The following PUDP variants were observed in gnomAD, a reference collection of about 807,000 sequenced individuals.
PUDP encodes pseudouridine 5'-phosphatase, also known as pseudouridine-5'-phosphatase.
A neutral mutation model predicts 9.4 loss-of-function variants in PUDP; 8 were observed. That is an observed-to-expected ratio of 0.85 (90% CI 0.50 to 1.53). PUDP has a LOEUF of 1.53. Among genes scored for constraint, PUDP ranks in the 40% most tolerant of loss-of-function variants. PUDP has a pLI of 0.00. For synonymous variants in PUDP, 99 were observed against 80.7 expected, an observed-to-expected ratio of 1.23 and a Z score of -1.22; for missense variants, 188 against 189.7, an observed-to-expected ratio of 0.99 and a Z score of 0.05.
At position 6,842,422 on chromosome X, in the gene PUDP, C is replaced by A. The variant is rs1926686094; in HGVS notation, c.*247+134711G>T. ...TCTGCAATGGTAAACCTAATATTGACACTGGGTATTACCAAATTGTACCTA... is the reference window on the plus strand; with the variant it reads ...TCTGCAATGGTAAACCTAATATTGAAACTGGGTATTACCAAATTGTACCTA... On this transcript the variant is annotated intron_variant and NMD_transcript_variant, in intron 3 of 3. Transcript: ENST00000655425. Among the ~76,000 whole-genome samples, 3 of 111,438 alleles carry A rather than the reference C, an allele frequency of 2.7e-5. No individual in the cohort carries two copies. In the Admixed American group the frequency reaches 2.9e-4, roughly 11 times the overall value.
At chrX:6,945,883 C>A (rs1264341289) in intron 3 of PUDP, among the ~76,000 whole-genome samples, 3 of 111,219 alleles carry the variant, frequency 2.7e-5, no homozygotes, top group Non-Finnish European at 5.7e-5. Context: ...GCCAAAGGGA[C>A]CCCAGAATAA....
chrX:6,863,522 G>A (rs1927034555), intron 3 of PUDP, among the ~76,000 whole-genome samples: 1 of 111,984 alleles, frequency 8.9e-6, no homozygotes, highest in Non-Finnish European at 1.9e-5. Flanking sequence ...ATATTCAGCA[G>A]GTTTGGGGGG....
chrX:7,040,211 G>C (rs1014114781), intron 1 of PUDP, among the ~76,000 whole-genome samples: 3 of 111,311 alleles, frequency 2.7e-5, no homozygotes, highest in African/African-American at 9.8e-5. Flanking sequence ...TTATGAACTT[G>C]GGCCCCAATT....
intron 3 of PUDP, among the ~76,000 whole-genome samples, chrX:7,058,731 ACTG>A (rs1397083629): frequency 8.9e-6 from 1 of 112,216 alleles, no homozygotes; most frequent in Non-Finnish European, 1.9e-5. Flanking sequence ...TGTCAAAATG[ACTG>A]CTGAGGTATG....
At chrX:6,918,116 T>C (rs1352603046) in intron 3 of PUDP, among the ~76,000 whole-genome samples, 1 of 112,474 alleles carries the variant, frequency 8.9e-6, no homozygotes, top group East Asian at 2.8e-4. Flanking sequence ...ATTAATTATG[T>C]ATGATGCCTG....
At chrX:7,023,852 G>A (rs1345383764) in intron 1 of PUDP, among the ~76,000 whole-genome samples, 1 of 111,929 alleles carries the variant, frequency 8.9e-6, no homozygotes, top group African/African-American at 3.2e-5. Context: ...TACGCCCAAT[G>A]TATATCTCCC....
Position 6,903,959 on chromosome X carries a change from T to A in PUDP, c.*247+73174A>T, listed in dbSNP as rs1355756600. ...TTTAAAAAATATATATATATTTATT[T>A]TTTTTTTTTTGAGATGGAGTCTCAC... On this transcript the variant is annotated intron_variant and NMD_transcript_variant, in intron 3 of 3. Coordinates refer to the PUDP transcript ENST00000655425. Among the ~76,000 whole-genome samples the A allele has an allele frequency of 9.2e-4, 98 of 106,312 alleles. 1 individual carries two copies. Among genetic ancestry groups the A allele is most frequent in the East Asian group, 7.8e-3 (26 of 3,317 alleles). The allele number at this position is 106,312 out of a possible 115,157, so 92.3% of individuals were successfully genotyped here. A position where few individuals can be genotyped will look rare whatever the true frequency, so the allele number is the denominator to read the frequency against.
chrX:6,850,050 T>A (rs1233320771), intron 3 of PUDP, among the ~76,000 whole-genome samples: 2 of 110,954 alleles, frequency 1.8e-5, no homozygotes, highest in Admixed American at 1.9e-4. Flanking sequence ...AAATTCCTGA[T>A]CAAGACAACA....
At chrX:6,880,346 A>G (rs929313508) in intron 3 of PUDP, among the ~76,000 whole-genome samples, 27 of 111,188 alleles carry the variant, frequency 2.4e-4, no homozygotes, top group African/African-American at 8.5e-4. Context: ...GAGTGAGAAC[A>G]TATGATGTTT....
intron 2 of PUDP, chrX:7,085,422 C>A (rs1206423985): frequency 8.9e-6 from 1 of 112,066 alleles, no homozygotes; most frequent in Non-Finnish European, 1.9e-5. Context: ...CATCAATGGA[C>A]AGTCAGGGGC....
intron 3 of PUDP, among the ~76,000 whole-genome samples, chrX:6,885,177 G>A (rs1391847612): frequency 8.9e-6 from 1 of 111,781 alleles, no homozygotes; most frequent in Admixed American, 9.5e-5. Flanking sequence ...TGAGAACTTA[G>A]AGTCCAAGTC....
chrX:6,823,077 A>G (rs1926371967), intron 3 of PUDP, among the ~76,000 whole-genome samples: 1 of 111,584 alleles, frequency 9.0e-6, no homozygotes, highest in Non-Finnish European at 1.9e-5. Flanking sequence ...TTAAAAAGCA[A>G]AAACAAAAAC....
chrX:7,070,854 A>C (rs1465866663), intron 3 of PUDP, among the ~76,000 whole-genome samples: 1 of 112,391 alleles, frequency 8.9e-6, no homozygotes, highest in Non-Finnish European at 1.9e-5. Context: ...CTGGGATTAC[A>C]GGCGTGAGCC....
chrX:6,907,590 A>G (rs1391145260), intron 3 of PUDP, among the ~76,000 whole-genome samples: 1 of 112,115 alleles, frequency 8.9e-6, no homozygotes, highest in African/African-American at 3.2e-5. Context: ...GTCTTCAGCT[A>G]CAACCCAGTA....
At chrX:7,022,391 A>C (rs1254147212) in intron 1 of PUDP, among the ~76,000 whole-genome samples, 1 of 112,004 alleles carries the variant, frequency 8.9e-6, no homozygotes, top group Non-Finnish European at 1.9e-5. Flanking sequence ...TTAAATTAAA[A>C]CTAGGAGTAC....
intron 3 of PUDP, among the ~76,000 whole-genome samples, chrX:7,074,335 C>T (rs1225515952): frequency 1.8e-5 from 2 of 112,229 alleles, no homozygotes; most frequent in Admixed American, 1.9e-4. Context: ...CTACCACCGC[C>T]TATGGCCTGG....
At chrX:7,064,939 CTT>C (rs1489314696) in intron 3 of PUDP, among the ~76,000 whole-genome samples, 2 of 111,914 alleles carry the variant, frequency 1.8e-5, no homozygotes, top group Non-Finnish European at 3.8e-5. Flanking sequence ...GCAACTAACT[CTT>C]AAGAAACTAT....
intron 3 of PUDP, among the ~76,000 whole-genome samples, chrX:6,767,235 G>A (rs1448632579): frequency 8.9e-6 from 1 of 112,980 alleles, no homozygotes; most frequent in Non-Finnish European, 1.9e-5. Context: ...GGTCAACCAT[G>A]GCATGCGTTT....
chrX:6,833,416 A>G (rs894196898), intron 3 of PUDP, among the ~76,000 whole-genome samples: 1 of 111,282 alleles, frequency 9.0e-6, no homozygotes, highest in Non-Finnish European at 1.9e-5. Context: ...TGGATGGATA[A>G]ATAGATGGAC....
Sources: gnomAD v4.1 joint callset for allele counts (sites outside exome capture counted in the v4.1 genomes callset) on GRCh38, gnomAD v4.1.1 for gene constraint, MANE v1.5 for transcripts, NCBI Gene and HGNC (gene_info 2026-07-23, HGNC 2026-07-21) for gene names.